AP4S1: variants seen among roughly 807,000 people sequenced by gnomAD.
AP4S1 encodes the protein AP-4 complex subunit sigma-1.
In AP4S1, 23 loss-of-function variants were observed where a neutral mutation model predicts 19.8. The ratio of observed to expected loss-of-function variants is 1.16; its 90% CI spans 0.84 to 1.65. The LOEUF (loss-of-function observed/expected upper bound fraction) is 1.65. Ranked by LOEUF, AP4S1 falls within the 40% of genes most tolerant of loss-of-function variation. The pLI, the probability that AP4S1 is intolerant of heterozygous loss-of-function variation, is 0.00. For missense variants in AP4S1, 166 were observed against 172.8 expected (o/e 0.96, Z 0.22); for synonymous variants, 46 against 54.1 (o/e 0.85, Z 0.66).
chr14:31,046,294 T>C (rs1470571237), intron 1 of AP4S1, among the ~76,000 whole-genome samples: 1 of 151,998 alleles, frequency 6.6e-6, no homozygotes, highest in Non-Finnish European at 1.5e-5. Flanking sequence ...AGCCCCAACC[T>C]TTCTTCTCCT....
At chr14:31,058,525 GTA>G (rs776989537) in intron 1 of AP4S1, among the ~76,000 whole-genome samples, 2,367 of 74,448 alleles carry the variant, frequency 0.032, 41 homozygotes, top group South Asian at 0.078. Flanking sequence ...CTCTGTGTGT[GTA>G]TGTGTGTGTG....
At chr14:31,066,550 C>A (rs6571387) in intron 2 of AP4S1, among the ~76,000 whole-genome samples, 2 of 152,176 alleles carry the variant, frequency 1.3e-5, no homozygotes, top group African/African-American at 2.4e-5. Context: ...AGAATCTTGG[C>A]TTCTTATTTA....
chr14:31,058,721 C>T (rs756049665), intron 1 of AP4S1, among the ~76,000 whole-genome samples: 1 of 150,932 alleles, frequency 6.6e-6, no homozygotes, highest in Non-Finnish European at 1.5e-5. Context: ...GTACACACCG[C>T]GATGCCTGGC....
intron 5 of AP4S1, among the ~76,000 whole-genome samples, chr14:31,090,808 A>C (rs1241105469): frequency 6.6e-6 from 1 of 152,266 alleles, no homozygotes; most frequent in Admixed American, 6.5e-5. Context: ...TAAAAGAGTC[A>C]CAAGATTCCA....
At chr14:31,085,608 T>C in intron 5 of AP4S1, 9 of 847,888 alleles carry the variant, frequency 1.1e-5, no homozygotes, top group Non-Finnish European at 1.3e-5. Flanking sequence ...ACCCAGTCTC[T>C]ACAAAAAAAT....
chr14:31,058,560 T>TGTGTGG (rs1886260362), intron 1 of AP4S1, among the ~76,000 whole-genome samples: 1 of 138,414 alleles, frequency 7.2e-6, no homozygotes, highest in Non-Finnish European at 1.6e-5. Context: ...TGTGTGTGTG[T>TGTGTGG]GTGTGTGTGT....
chr14:31,078,355 A>G lies in AP4S1; in HGVS notation c.295-2218A>G, dbSNP rs532787413. On this transcript the variant is annotated intron_variant, in intron 4 of 5. Coordinates refer to ENST00000542754, the MANE Select transcript of AP4S1 (RefSeq NM_001128126.3). ...TGTGGCTCTTGAGCACTTGAAATGC[A>G]GTTAGTATAACTGAGGAAATAAAGT... Among the ~76,000 whole-genome samples, 209 of 152,360 alleles carry G rather than the reference A, an allele frequency of 1.4e-3. 2 individuals are homozygous for G. The highest frequency in any genetic ancestry group is 2.5e-3 in the Non-Finnish European group (171 of 68,040).
In AP4S1 at chr14:31,047,314, G is replaced by A. The variant is rs533728453; in HGVS notation, c.-71-18812G>A. 8.5e-4 allele frequency among the ~76,000 whole-genome samples: 128 copies of A among 151,390 alleles called. 1 individual carries two copies. In the Middle Eastern group the frequency reaches 0.024, roughly 29 times the overall value. On this transcript the variant is annotated intron_variant, in intron 1 of 5. Transcript: ENST00000542754. The stretch of plus-strand genomic sequence containing the variant: ...CTTCATTTTCTTAATAGTGTCTTAC[G>A]TGGGTTTTCTTGTGGTGTGTGGGCA...
intron 2 of AP4S1, among the ~76,000 whole-genome samples, chr14:31,067,516 A>C (rs1161791482): frequency 7.9e-6 from 1 of 127,218 alleles, no homozygotes; most frequent in East Asian, 2.4e-4. Flanking sequence ...AGTGAGAACA[A>C]TTTTTTTTTT....
chr14:31,043,283 T>G (rs532855273), intron 1 of AP4S1, among the ~76,000 whole-genome samples: 1 of 150,604 alleles, frequency 6.6e-6, no homozygotes, highest in Admixed American at 6.6e-5. Context: ...ATTAATCAAA[T>G]ATGGCTGAAA....
chr14:31,084,798 C>T, intron 5 of AP4S1: 2 of 1,614,160 alleles, frequency 1.2e-6, no homozygotes, highest in Non-Finnish European at 8.5e-7. Context: ...CCAAAATATG[C>T]TCAGCCCTGG....
At chr14:31,040,503 G>A (rs1885048540) in intron 1 of AP4S1, among the ~76,000 whole-genome samples, 4 of 151,944 alleles carry the variant, frequency 2.6e-5, no homozygotes, top group Admixed American at 6.6e-5. Context: ...CATTGCACTC[G>A]ACCTTAAGAA....
intron 1 of AP4S1, among the ~76,000 whole-genome samples, chr14:31,034,379 C>T (rs1006059436): frequency 1.3e-5 from 2 of 152,074 alleles, no homozygotes; most frequent in Non-Finnish European, 2.9e-5. Flanking sequence ...TCCTACTTCT[C>T]TTTGCTTCTT....
chr14:31,033,904 G>C (rs1318461737), intron 1 of AP4S1, among the ~76,000 whole-genome samples: 1 of 152,136 alleles, frequency 6.6e-6, no homozygotes, highest in Non-Finnish European at 1.5e-5. Flanking sequence ...AAAAAAAATA[G>C]GCTGTGATAA....
intron 1 of AP4S1, among the ~76,000 whole-genome samples, chr14:31,034,607 T>G (rs543338232): frequency 7.0e-6 from 1 of 143,256 alleles, no homozygotes; most frequent in East Asian, 2.2e-4. Context: ...GTTTTGTACT[T>G]AATTTTTTTT....
chr14:31,082,007 A>G (rs1411307633), intron 5 of AP4S1, among the ~76,000 whole-genome samples: 1 of 152,120 alleles, frequency 6.6e-6, no homozygotes, highest in Middle Eastern at 3.2e-3. Context: ...TAATTTATAA[A>G]TTTATATATA....
chr14:31,069,984 C>A, intron 3 of AP4S1, 55 bp downstream of exon 3: 1 of 1,414,962 alleles, frequency 7.1e-7, no homozygotes, highest in Non-Finnish European at 1.0e-6. Context: ...TACTTGCCTC[C>A]CTAAGAATTA....
intron 4 of AP4S1, among the ~76,000 whole-genome samples, chr14:31,073,687 C>T (rs1887190043): frequency 1.3e-5 from 2 of 151,188 alleles, no homozygotes; most frequent in African/African-American, 2.4e-5. Flanking sequence ...CACTGCAAGC[C>T]GTGCCACCAC....
At chr14:31,072,620 C>G (rs1044152885) in intron 3 of AP4S1, among the ~76,000 whole-genome samples, 2 of 152,202 alleles carry the variant, frequency 1.3e-5, no homozygotes, top group Non-Finnish European at 2.9e-5. Flanking sequence ...ATCCTCTCAC[C>G]TTGGCCTCCC....
Sources: gnomAD v4.1 joint callset for allele counts (sites outside exome capture counted in the v4.1 genomes callset) on GRCh38, gnomAD v4.1.1 for gene constraint, MANE v1.5 for transcripts, NCBI Gene and HGNC (gene_info 2026-07-23, HGNC 2026-07-21) for gene names.